GRM7: variants seen among roughly 807,000 people sequenced by gnomAD.
GRM7 encodes glutamate metabotropic receptor 7, also known as metabotropic glutamate receptor 7.
Under a neutral mutation model 84.5 loss-of-function variants are expected in GRM7, and 35 were observed. The ratio of observed to expected loss-of-function variants is 0.41; its 90% confidence interval spans 0.32 to 0.55. The LOEUF (loss-of-function observed/expected upper bound fraction) is 0.55. Ranked by LOEUF, GRM7 falls within the 20% of genes least tolerant of loss-of-function variation. The probability of loss-of-function intolerance (pLI) is 0.19; values close to 1 mark genes in which losing one functional copy is unlikely to be tolerated. For missense variants in GRM7, 1,003 were observed against 1,194.6 expected, an observed-to-expected ratio of 0.84 and a Z score of 2.36; for synonymous variants, 487 against 455.1, an observed-to-expected ratio of 1.07 and a Z score of -0.89.
intron 8 of GRM7, among the ~76,000 whole-genome samples, chr3:7,610,874 T>C (rs1408004394): frequency 2.0e-5 from 3 of 152,182 alleles, no homozygotes; most frequent in Non-Finnish European, 4.4e-5. Context: ...AGCGAAAACA[T>C]TACTTTGGCC....
intron 1 of GRM7, among the ~76,000 whole-genome samples, chr3:7,061,068 G>C (rs1207087261): frequency 6.6e-6 from 1 of 151,652 alleles, no homozygotes; most frequent in Non-Finnish European, 1.5e-5. Context: ...GGCATTTTTT[G>C]ATGTGCTTTC....
Position 7,599,671 on chromosome 3 carries a change from T to G in GRM7, c.2451+20314T>G, listed in dbSNP as rs78669253. Among the ~76,000 whole-genome samples, 11 of 152,216 alleles carry G rather than the reference T, an allele frequency of 7.2e-5. No homozygotes were observed. In the East Asian group the frequency reaches 1.9e-3, roughly 27 times the overall value. ...ATGACTGATAAAGTATTTTACAGCT[T>G]TATTACGGAGGGGGGATTGTCAGAA... is the stretch of plus-strand genomic sequence containing the variant. On this transcript the variant is annotated intron_variant, in intron 8 of 9. Transcript: ENST00000357716.
chr3:7,606,491 G>A (rs968343842), intron 8 of GRM7, among the ~76,000 whole-genome samples: 7 of 152,066 alleles, frequency 4.6e-5, no homozygotes, highest in African/African-American at 1.7e-4. Flanking sequence ...TACAATTGTG[G>A]AACACCTTAT....
chr3:6,889,785 T>C (rs1695858799), intron 1 of GRM7, among the ~76,000 whole-genome samples: 1 of 152,136 alleles, frequency 6.6e-6, no homozygotes, highest in Admixed American at 6.5e-5. Flanking sequence ...TTCTATTGAT[T>C]GGAATAGTTT....
chr3:7,173,542 C>A (rs1053924640), intron 2 of GRM7, among the ~76,000 whole-genome samples: 4 of 152,200 alleles, frequency 2.6e-5, no homozygotes, highest in African/African-American at 7.2e-5. Context: ...AGTAACTTGG[C>A]CCTGCTTGGA....
intron 7 of GRM7, among the ~76,000 whole-genome samples, chr3:7,514,813 A>G (rs1255831141): frequency 6.6e-6 from 1 of 152,184 alleles, no homozygotes; most frequent in Non-Finnish European, 1.5e-5. Context: ...TCAGTAGAAT[A>G]CTTTCCATAA....
chr3:7,465,175 C>G (rs987873450), intron 7 of GRM7, among the ~76,000 whole-genome samples: 4 of 152,192 alleles, frequency 2.6e-5, no homozygotes, highest in Admixed American at 6.5e-5. Flanking sequence ...ATTCTTTATT[C>G]TACTTTGTCA....
intron 2 of GRM7, among the ~76,000 whole-genome samples, chr3:7,269,101 A>C (rs1264952774): frequency 6.6e-6 from 1 of 152,222 alleles, no homozygotes; most frequent in African/African-American, 2.4e-5. Context: ...AGACCCACAG[A>C]ATCAGAACCA....
At chr3:7,142,058 G>T (rs573157073) in intron 1 of GRM7, among the ~76,000 whole-genome samples, 2 of 151,946 alleles carry the variant, frequency 1.3e-5, no homozygotes, top group African/African-American at 4.8e-5. Flanking sequence ...TGAGGATTTT[G>T]TTTTGACTTA....
At chr3:7,423,272 C>T (rs1436351826) in intron 5 of GRM7, among the ~76,000 whole-genome samples, 2 of 152,176 alleles carry the variant, frequency 1.3e-5, no homozygotes, top group Admixed American at 6.6e-5. Flanking sequence ...TCAGGCAAAG[C>T]TCTTTCCATA....
intron 7 of GRM7, among the ~76,000 whole-genome samples, chr3:7,566,702 G>A (rs1282673072): frequency 1.3e-5 from 2 of 151,958 alleles, no homozygotes; most frequent in African/African-American, 4.8e-5. Context: ...GATATTGTTT[G>A]GCAATCTAAG....
chr3:7,283,885 A>G (rs1699338105), intron 2 of GRM7, among the ~76,000 whole-genome samples: 1 of 152,236 alleles, frequency 6.6e-6, no homozygotes. Flanking sequence ...TTAAAATTCT[A>G]ATAAATCCAA....
rs117422445 is a variant in GRM7 at position 7,526,390 on chromosome 3, T to G, written c.1516-52032T>G. On this transcript the variant is annotated intron_variant, in intron 7 of 9. Transcript: ENST00000357716. The stretch of plus-strand genomic sequence containing the variant: ...GTTCTTTGACCACTTTTTAATGTTT[T>G]TTTCCTTGATTTAAGTTTCTTATAG... Among the ~76,000 whole-genome samples the G allele has an allele frequency of 2.1e-4, 32 of 152,224 alleles. No homozygotes were observed. The East Asian group carries it at 6.0e-3, about 28-fold the overall frequency.
At chr3:7,131,121 A>C (rs1306695481) in intron 1 of GRM7, among the ~76,000 whole-genome samples, 1 of 150,588 alleles carries the variant, frequency 6.6e-6, no homozygotes, top group Non-Finnish European at 1.5e-5. Flanking sequence ...AAGGACTGAC[A>C]AAAAAAATAG....
chr3:7,003,117 T>C (rs1695070995), intron 1 of GRM7, among the ~76,000 whole-genome samples: 1 of 152,132 alleles, frequency 6.6e-6, no homozygotes. Flanking sequence ...AATCTGGAGA[T>C]GTTGATCAAA....
chr3:7,127,441 A>C (rs1199290856), intron 1 of GRM7, among the ~76,000 whole-genome samples: 1 of 152,158 alleles, frequency 6.6e-6, no homozygotes, highest in East Asian at 1.9e-4. Flanking sequence ...ATCTTATATA[A>C]ATTTGAGTTA....
chr3:7,417,457 C>G (rs1179263498), intron 5 of GRM7, among the ~76,000 whole-genome samples: 1 of 152,070 alleles, frequency 6.6e-6, no homozygotes, highest in Non-Finnish European at 1.5e-5. Flanking sequence ...TTTAAAAAAT[C>G]TTTACATGTA....
chr3:6,950,807 G>T (rs899486159), intron 1 of GRM7, among the ~76,000 whole-genome samples: 12 of 152,196 alleles, frequency 7.9e-5, no homozygotes, highest in Non-Finnish European at 1.8e-4. Flanking sequence ...ATCTCAGACT[G>T]CTGTGCTAGC....
intron 4 of GRM7, among the ~76,000 whole-genome samples, chr3:7,376,762 C>T (rs80319247): frequency 0.085 from 11,018 of 128,884 alleles, 517 homozygotes; most frequent in Non-Finnish European, 0.12. Context: ...TGGCTCTTTA[C>T]AGAAAAGAAA....
Sources: allele counts gnomAD v4.1 joint callset (sites outside exome capture counted in the v4.1 genomes callset), GRCh38; gene constraint gnomAD v4.1.1; transcripts MANE v1.5; gene names NCBI Gene and HGNC (gene_info 2026-07-23, HGNC 2026-07-21).